GFOD1: variants seen among roughly 807,000 people sequenced by gnomAD.
GFOD1 encodes Gfo/Idh/MocA-like oxidoreductase domain containing 1.
GFOD1 carries 9 observed loss-of-function variants against 25.4 expected under a neutral mutation model. The ratio of observed to expected loss-of-function variants is 0.35; its 90% CI spans 0.21 to 0.62. The LOEUF is 0.62. Ranked by LOEUF, GFOD1 falls within the 20% of genes least tolerant of loss-of-function variation. The pLI is 0.72. For synonymous variants in GFOD1, 253 were observed against 245.6 expected (o/e 1.03, Z -0.28); for missense variants, 403 against 556.9 (o/e 0.72, Z 2.78).
At chr6:13,431,948 G>T (rs1440955940) in intron 1 of GFOD1, among the ~76,000 whole-genome samples, 1 of 152,058 alleles carries the variant, frequency 6.6e-6, no homozygotes, top group Non-Finnish European at 1.5e-5. Context: ...CTCCACCCTC[G>T]GTATTCAAAA....
chr6:13,408,464 T>C lies in GFOD1; in HGVS notation c.254-42802A>G, dbSNP rs1010232000. Among the ~76,000 whole-genome samples, 4 of 152,150 alleles carry C rather than the reference T, an allele frequency of 2.6e-5. No homozygotes were observed. In the East Asian group the frequency reaches 5.8e-4, roughly 22 times the overall value. Reference sequence around the variant, plus strand: ...CTGATGGCTGCTTTTCTAGCAAAAATGTCTGCCTGCAAGGACCTCCCCATG... The same window carrying C: ...CTGATGGCTGCTTTTCTAGCAAAAACGTCTGCCTGCAAGGACCTCCCCATG... On this transcript the variant is annotated intron_variant, in intron 1 of 1. Transcript: ENST00000379287.
intron 1 of GFOD1, among the ~76,000 whole-genome samples, chr6:13,374,267 T>TGTGTGTGTGTGTGTG (rs1554199393): frequency 7.5e-5 from 10 of 133,928 alleles, no homozygotes; most frequent in Non-Finnish European, 1.2e-4. Context: ...AAAATATGTT[T>TGTGTGTGTGTGTGTG]TTTTTTTGTG....
intron 1 of GFOD1, among the ~76,000 whole-genome samples, chr6:13,407,003 G>A (rs1240810550): frequency 6.6e-6 from 1 of 152,182 alleles, no homozygotes; most frequent in Non-Finnish European, 1.5e-5. Flanking sequence ...GTGGCCATGT[G>A]ACTAAGTTCT....
chr6:13,422,437 CAG>C (rs1317139068), intron 1 of GFOD1, among the ~76,000 whole-genome samples: 1 of 152,188 alleles, frequency 6.6e-6, no homozygotes, highest in African/African-American at 2.4e-5. Context: ...AGATGCTACA[CAG>C]AGAGTGTCCA....
At chr6:13,385,914 C>A (rs1021267517) in intron 1 of GFOD1, among the ~76,000 whole-genome samples, 1 of 152,142 alleles carries the variant, frequency 6.6e-6, no homozygotes, top group Admixed American at 6.5e-5. Context: ...GTACTCAGCA[C>A]AGAAAAAGTA....
chr6:13,384,885 T>C (rs1785434330), intron 1 of GFOD1, among the ~76,000 whole-genome samples: 1 of 152,246 alleles, frequency 6.6e-6, no homozygotes. Flanking sequence ...GCAGACTTCC[T>C]TGCCCATGAG....
rs1049016994 is a variant in GFOD1, at chr6:13,482,742, C to T, written c.253+3896G>A. Among the ~76,000 whole-genome samples the T allele has an allele frequency of 5.3e-5, 8 of 151,886 alleles. No individual in the cohort carries two copies. In the East Asian group the frequency reaches 5.8e-4, roughly 11 times the overall value. Reference sequence around the variant, plus strand: ...CAGCCTGGGCAACAGAGCGAGGCTCCGTCTCAAAAAATAAAATAAAATTAG... The same window carrying T: ...CAGCCTGGGCAACAGAGCGAGGCTCTGTCTCAAAAAATAAAATAAAATTAG... On this transcript the variant is annotated intron_variant, in intron 1 of 1. Transcript: ENST00000379287.
intron 1 of GFOD1, among the ~76,000 whole-genome samples, chr6:13,427,386 G>A (rs953332513): frequency 6.6e-6 from 1 of 152,176 alleles, no homozygotes; most frequent in African/African-American, 2.4e-5. Context: ...TTGGCCAGGC[G>A]CAGTGCCTCA....
intron 1 of GFOD1, among the ~76,000 whole-genome samples, chr6:13,401,181 C>T (rs991981377): frequency 6.6e-6 from 1 of 152,132 alleles, no homozygotes; most frequent in Non-Finnish European, 1.5e-5. Context: ...TGAATTTAAA[C>T]CCTTAAAGCA....
At chr6:13,382,520 T>C (rs914532582) in intron 1 of GFOD1, among the ~76,000 whole-genome samples, 1 of 152,198 alleles carries the variant, frequency 6.6e-6, no homozygotes, top group Non-Finnish European at 1.5e-5. Flanking sequence ...TCCCCAGACA[T>C]GTGATACTGT....
rs1784980272 is a variant in GFOD1, at chr6:13,363,547, G to A, written c.*1196C>T. 7.2e-6 allele frequency: 1 copy of A among 139,246 alleles called. No homozygotes were observed. Among genetic ancestry groups the A allele is most frequent in the Non-Finnish European group, 1.5e-5 (1 of 65,204 alleles). 8.6% of individuals were successfully genotyped at this position (139,246 alleles called of 1,614,324 possible). A position where few individuals can be genotyped will look rare whatever the true frequency, so the allele number is the denominator to read the frequency against. ...TCCTGAAAGCAAATGCTGGAGCTAA[G>A]GAAAATCCTTTTTTTTTTTTTTTTT... is the stretch of plus-strand genomic sequence containing the variant. On this transcript the variant is annotated 3_prime_UTR_variant, in exon 2 of 2. Coordinates refer to ENST00000379287, the MANE Select transcript of GFOD1 (RefSeq NM_018988.4).
intron 1 of GFOD1, among the ~76,000 whole-genome samples, chr6:13,417,674 A>G (rs1786185253): frequency 6.6e-6 from 1 of 152,266 alleles, no homozygotes; most frequent in Non-Finnish European, 1.5e-5. Flanking sequence ...GCACAGACGC[A>G]GAACAACATC....
chr6:13,385,201 G>A (rs574654489), intron 1 of GFOD1, among the ~76,000 whole-genome samples: 7 of 152,260 alleles, frequency 4.6e-5, no homozygotes, highest in East Asian at 1.9e-4. Flanking sequence ...GTGTGTGTCC[G>A]GTGTGAGGTT....
chr6:13,415,779 G>A (rs1161589680), intron 1 of GFOD1, among the ~76,000 whole-genome samples: 1 of 152,222 alleles, frequency 6.6e-6, no homozygotes, highest in Non-Finnish European at 1.5e-5. Context: ...ATGGCCATCC[G>A]CCTAACTGAC....
At chr6:13,476,356 T>G (rs1758624024) in intron 1 of GFOD1, among the ~76,000 whole-genome samples, 1 of 152,240 alleles carries the variant, frequency 6.6e-6, no homozygotes, top group Non-Finnish European at 1.5e-5. Flanking sequence ...GATTACGTAC[T>G]TCATGATTCC....
intron 1 of GFOD1, among the ~76,000 whole-genome samples, chr6:13,409,091 A>AAGAG (rs1786000268): frequency 2.1e-5 from 1 of 46,894 alleles, no homozygotes; most frequent in South Asian, 1.2e-3. Context: ...TCAGAAAGGA[A>AAGAG]AGAAAGAAAG....
rs994663925 is a variant in GFOD1 at position 13,464,049 on chromosome 6, G to C, written c.253+22589C>G. On this transcript the variant is annotated intron_variant, in intron 1 of 1. Transcript: ENST00000379287. ...TAAAATTTGTTCTCCCTGTAAGTCA[G>C]GGTCAGAAAAAGTTACTCTGCTGGC... 3.9e-5 allele frequency among the ~76,000 whole-genome samples: 6 copies of C among 152,164 alleles called. No individual in the cohort carries two copies. In the East Asian group the frequency reaches 5.8e-4, roughly 15 times the overall value.
At position 13,374,433 on chromosome 6, in the gene GFOD1, G is replaced by A. The variant is rs1401323683; in HGVS notation, c.254-8771C>T. On this transcript the variant is annotated intron_variant, in intron 1 of 1. Transcript: ENST00000379287. ...ATTCTCCTGCTCAGTCTCCTTAGTA[G>A]CTGGGGTTACAGGCATGCACCTGTA... Among the ~76,000 whole-genome samples the A allele has an allele frequency of 3.3e-5, 5 of 151,574 alleles. No homozygotes were observed. In the Middle Eastern group the frequency reaches 0.01, roughly 309 times the overall value.
chr6:13,412,910 T>C (rs1786103860), intron 1 of GFOD1, among the ~76,000 whole-genome samples: 1 of 152,124 alleles, frequency 6.6e-6, no homozygotes, highest in Admixed American at 6.5e-5. Context: ...TGCCTCAGAG[T>C]GTGTGTGTTG....
Sources: allele counts gnomAD v4.1 joint callset (sites outside exome capture counted in the v4.1 genomes callset), GRCh38; gene constraint gnomAD v4.1.1; transcripts MANE v1.5; gene names NCBI Gene and HGNC (gene_info 2026-07-23, HGNC 2026-07-21).